EPN2: variants seen among roughly 807,000 people sequenced by gnomAD.
EPN2 encodes epsin 2, also known as epsin-2.
EPN2 carries 34 observed loss-of-function variants against 61.7 expected under a neutral mutation model. That is an observed-to-expected ratio of 0.55 (90% CI 0.42 to 0.73). The LOEUF is 0.73. Ranked by LOEUF, EPN2 falls within the 30% of genes least tolerant of loss-of-function variation. EPN2 has a pLI of 0.00. For synonymous variants in EPN2, 349 were observed against 353.6 expected (o/e 0.99, Z 0.15); for missense variants, 714 against 839.2 (o/e 0.85, Z 1.84).
Position 19,335,461 on chromosome 17 carries a change from A to ATCT in EPN2, c.*1209_*1211dup. 1.3e-6 allele frequency: 2 copies of ATCT among 1,550,168 alleles called. No homozygotes were observed. Among genetic ancestry groups the ATCT allele is most frequent in the Non-Finnish European group, 1.7e-6 (2 of 1,146,714 alleles). On this transcript the variant is annotated 3_prime_UTR_variant, in exon 11 of 11. Coordinates refer to ENST00000314728, the MANE Select transcript of EPN2 (RefSeq NM_014964.5). ...AATGGAAATCTGAAATGGAAGAAACATCTTTAACCTTGTGTGTCTGTGATC... is the reference window on the plus strand; with the variant it reads ...AATGGAAATCTGAAATGGAAGAAACATCTTCTTTAACCTTGTGTGTCTGTGATC...
intron 9 of EPN2, among the ~76,000 whole-genome samples, chr17:19,330,052 C>T (rs936864259): frequency 6.6e-6 from 1 of 152,226 alleles, no homozygotes; most frequent in African/African-American, 2.4e-5. Context: ...TGTCACCTCC[C>T]AGGTGACCGC....
At chr17:19,301,053 G>A (rs1273261426) in intron 4 of EPN2, among the ~76,000 whole-genome samples, 1 of 152,148 alleles carries the variant, frequency 6.6e-6, no homozygotes, top group African/African-American at 2.4e-5. Flanking sequence ...GTGTGAGGGA[G>A]CAGCGGGCAA....
Position 19,309,998 on chromosome 17 carries a change from G to T in EPN2, c.879+1G>T. ...CATGAGCAGAGAAGTGGCTGAGCAG[G>T]TCAGTGCCCCAGGCAGGTCTGCACT... is the stretch of plus-strand genomic sequence containing the variant. On this transcript the variant is annotated splice_donor_variant, in intron 5 of 10. Coordinates refer to ENST00000314728, the MANE Select transcript of EPN2 (RefSeq NM_014964.5). LOFTEE classifies it high-confidence loss of function. 1 of 1,603,712 alleles carries T rather than the reference G, an allele frequency of 6.2e-7. No homozygotes were observed. Among genetic ancestry groups the T allele is most frequent in the Non-Finnish European group, 8.5e-7 (1 of 1,178,314 alleles).
At chr17:19,292,976 A>G (rs565781019) in intron 4 of EPN2, among the ~76,000 whole-genome samples, 10 of 152,374 alleles carry the variant, frequency 6.6e-5, no homozygotes, top group African/African-American at 2.4e-4. Flanking sequence ...AAATTGCTTT[A>G]AAATTTTTTC....
At chr17:19,310,522 T>TTTTTC (rs1386356645) in intron 5 of EPN2, among the ~76,000 whole-genome samples, 1 of 151,794 alleles carries the variant, frequency 6.6e-6, no homozygotes, top group Non-Finnish European at 1.5e-5. Context: ...TCAGTTCCCA[T>TTTTTC]TTTTCTTTTC....
chr17:19,293,534 C>CTTTTTTTTT (rs71155390), intron 4 of EPN2, among the ~76,000 whole-genome samples: 3 of 52,426 alleles, frequency 5.7e-5, no homozygotes, highest in East Asian at 5.1e-4. Flanking sequence ...CCATACCCAG[C>CTTTTTTTTT]TTTTTTTTTT....
intron 4 of EPN2, among the ~76,000 whole-genome samples, chr17:19,286,016 T>G (rs2045401398): frequency 6.6e-6 from 1 of 152,170 alleles, no homozygotes; most frequent in Non-Finnish European, 1.5e-5. Context: ...TGTCAAAGGT[T>G]TAGCAGGGGA....
At position 19,285,565 on chromosome 17, in the gene EPN2, C is replaced by T. The variant is rs543365288; in HGVS notation, c.596-55C>T. ...CCCGTACCTCCTGCAGGGGCTGCTG[C>T]GCACCCTCTAATGGCGTGTCTCTCT... On this transcript the variant is annotated intron_variant, in intron 3 of 10. Transcript: ENST00000314728. The surrounding 1 kb of genome is among the most constrained non-coding windows in gnomAD (Gnocchi z 4.5). 1.7e-5 allele frequency: 24 copies of T among 1,421,786 alleles called. No individual in the cohort carries two copies. The highest frequency in any genetic ancestry group is 7.7e-5 in the South Asian group (5 of 65,228). 88.1% of individuals were successfully genotyped at this position (1,421,786 alleles called of 1,614,324 possible).
chr17:19,262,773 A>G (rs2045156039), intron 1 of EPN2, among the ~76,000 whole-genome samples: 1 of 152,060 alleles, frequency 6.6e-6, no homozygotes, highest in Admixed American at 6.6e-5. Flanking sequence ...CCTGGCAACT[A>G]TCAGTCTGCT....
intron 7 of EPN2, among the ~76,000 whole-genome samples, chr17:19,328,039 TTG>T (rs892283500): frequency 2.4e-4 from 36 of 152,362 alleles, no homozygotes; most frequent in African/African-American, 7.2e-4. Flanking sequence ...TTTAGTTTTT[TTG>T]TGTGTGTTTT....
intron 1 of EPN2, 90 bp from the exon 2 acceptor site, chr17:19,281,865 T>C (rs2152216844): frequency 6.6e-6 from 1 of 152,354 alleles, no homozygotes; most frequent in East Asian, 1.9e-4. Context: ...TCCCATTTTA[T>C]AGGTAAGGAA....
chr17:19,259,308 C>CTTTT lies in EPN2; in HGVS notation c.-294+21796_-294+21799dup, dbSNP rs776768357. ...ATCTGGCATCTTTTGAGTGTTGGGT[C>CTTTT]TTTTTTTTTTTTTTTTTTTTTTGAG... On this transcript the variant is annotated intron_variant, in intron 1 of 10. Transcript: ENST00000314728. Among the ~76,000 whole-genome samples, 409 of 96,166 alleles carry CTTTT rather than the reference C, an allele frequency of 4.3e-3. 26 individuals are homozygous for CTTTT. The East Asian group carries it at 0.072, about 17-fold the overall frequency. The allele number at this position is 96,166 out of a possible 152,430, so 63.1% of individuals were successfully genotyped here.
chr17:19,242,293 T>C (rs2044893292), intron 1 of EPN2, among the ~76,000 whole-genome samples: 1 of 152,072 alleles, frequency 6.6e-6, no homozygotes, highest in Admixed American at 6.6e-5. Flanking sequence ...ATACAAAAAT[T>C]AGCCGGGCAT....
intron 4 of EPN2, among the ~76,000 whole-genome samples, chr17:19,289,129 G>T (rs985630978): frequency 7.7e-6 from 1 of 130,316 alleles, no homozygotes; most frequent in African/African-American, 3.0e-5. Flanking sequence ...CTGTCACCCA[G>T]GCTGGAGTGC....
At chr17:19,240,418 G>A (rs979185218) in intron 1 of EPN2, among the ~76,000 whole-genome samples, 1 of 152,082 alleles carries the variant, frequency 6.6e-6, no homozygotes, top group Non-Finnish European at 1.5e-5. Context: ...GCTAATTTTT[G>A]TATTTTTAGT....
chr17:19,314,720 C>G (rs1906305947), intron 7 of EPN2, among the ~76,000 whole-genome samples: 1 of 152,248 alleles, frequency 6.6e-6, no homozygotes, highest in African/African-American at 2.4e-5. Flanking sequence ...CTTTCATTGA[C>G]TGAAGGCCAG....
chr17:19,329,276 C>A, intron 8 of EPN2: 1 of 458,936 alleles, frequency 2.2e-6, no homozygotes, highest in Non-Finnish European at 3.9e-6. Flanking sequence ...TGCACCTCCA[C>A]CACTGCCAGC....
chr17:19,292,779 C>T (rs2045477992), intron 4 of EPN2, among the ~76,000 whole-genome samples: 1 of 152,236 alleles, frequency 6.6e-6, no homozygotes, highest in African/African-American at 2.4e-5. Flanking sequence ...TGGGCCTTTG[C>T]CTTCTCTTAG....
chr17:19,282,962 A>T lies in EPN2; in HGVS notation c.-158A>T. 1.6e-6 allele frequency: 1 copy of T among 611,142 alleles called. No homozygotes were observed. Among genetic ancestry groups the T allele is most frequent in the Non-Finnish European group, 2.8e-6 (1 of 351,038 alleles). The allele number at this position is 611,142 out of a possible 1,614,324, so 37.9% of individuals were successfully genotyped here. On this transcript the variant is annotated 5_prime_UTR_variant, in exon 3 of 11. Coordinates refer to ENST00000314728, the MANE Select transcript of EPN2 (RefSeq NM_014964.5). ...TCTCTTTCTCTAGGTCATGGCTTCC[A>T]GCTTTTCGAATCTGAGGCTCCAAAG...
Sources: allele counts gnomAD v4.1 joint callset (sites outside exome capture counted in the v4.1 genomes callset), GRCh38; gene constraint gnomAD v4.1.1; non-coding constraint Gnocchi (gnomAD v3.1); transcripts MANE v1.5; gene names NCBI Gene and HGNC (gene_info 2026-07-23, HGNC 2026-07-21).